Variants in WLS observed in about 807,000 individuals in gnomAD.
WLS encodes protein wntless homolog.
WLS carries 23 observed loss-of-function variants against 62.8 expected under a neutral mutation model. The ratio of observed to expected loss-of-function variants is 0.37; its 90% CI spans 0.26 to 0.52. The LOEUF (loss-of-function observed/expected upper bound fraction) is 0.52, where lower values mean the gene tolerates loss of function less well. WLS is among the 20% of genes least tolerant of loss of function. The pLI is 0.92. For missense variants in WLS, 615 were observed against 697.3 expected (o/e 0.88, Z 1.33); for synonymous variants, 246 against 244.1 (o/e 1.01, Z -0.07).
At chr1:68,205,881 C>T (rs917538777) in intron 1 of WLS, among the ~76,000 whole-genome samples, 2 of 152,082 alleles carry the variant, frequency 1.3e-5, no homozygotes, top group South Asian at 2.1e-4. Context: ...TTCTCTCTGC[C>T]CCAGTGAATC....
At chr1:68,203,172 T>G (rs1649118642) in intron 1 of WLS, among the ~76,000 whole-genome samples, 1 of 152,230 alleles carries the variant, frequency 6.6e-6, no homozygotes, top group Non-Finnish European at 1.5e-5. Flanking sequence ...ATACATAGAT[T>G]ATCGAATCCA....
At chr1:68,184,735 G>C (rs1647807858) in intron 2 of WLS, among the ~76,000 whole-genome samples, 1 of 152,148 alleles carries the variant, frequency 6.6e-6, no homozygotes, top group African/African-American at 2.4e-5. Flanking sequence ...CAAAAAGCCA[G>C]CACTGACTCA....
At chr1:68,162,543 C>T in intron 2 of WLS, 2 of 1,599,588 alleles carry the variant, frequency 1.3e-6, no homozygotes, top group South Asian at 2.2e-5. Flanking sequence ...CGATGAGGCC[C>T]AGCATTTCCC....
At chr1:68,231,773 G>T in intron 1 of WLS, 1 of 471,886 alleles carries the variant, frequency 2.1e-6, no homozygotes, top group Non-Finnish European at 4.2e-6. Context: ...CTCTTCTGTT[G>T]TTCCTAATAA....
intron 2 of WLS, among the ~76,000 whole-genome samples, chr1:68,165,296 G>C (rs1192398172): frequency 1.3e-5 from 2 of 151,936 alleles, no homozygotes; most frequent in Non-Finnish European, 2.9e-5. Context: ...ACTTTTAAAG[G>C]GTCCCACACT....
At chr1:68,137,264 A>T (rs1646623842) in intron 11 of WLS, among the ~76,000 whole-genome samples, 1 of 58,450 alleles carries the variant, frequency 1.7e-5, no homozygotes, top group African/African-American at 5.3e-5. Context: ...ACATACCAGC[A>T]CTAAAGGACA....
rs1006464584 is a variant in WLS, at chr1:68,145,923, A to G, written c.1224T>C (p.Ser408=). 9.3e-6 allele frequency: 15 copies of G among 1,614,014 alleles called. No homozygotes were observed. The highest frequency in any genetic ancestry group is 1.3e-5 in the African/African-American group (1 of 74,902). Residue 408 remains serine, a synonymous_variant, in exon 9 of 12, where the codon AGT becomes AGC. Coordinates refer to ENST00000262348, the MANE Select transcript of WLS (RefSeq NM_024911.7). ...TAGCTGGCAGGCTGGACTGCTTCCC[A>G]CTGATGTTCCGAAACACCTGAAATA... ...FMVFQVFRNI[S]GKQSSLPAMS...
chr1:68,159,365 A>G (rs779997528), intron 2 of WLS, 118 bp from the exon 3 acceptor site: 672 of 1,306,784 alleles, frequency 5.1e-4, no homozygotes, highest in Non-Finnish European at 6.3e-4. Flanking sequence ...GGAAATATTA[A>G]TTTCTATCAA....
chr1:68,145,595 A>G (rs1570885792), intron 9 of WLS, among the ~76,000 whole-genome samples: 1 of 151,992 alleles, frequency 6.6e-6, no homozygotes, highest in African/African-American at 2.4e-5. Context: ...TGTAACCTAC[A>G]TTCCATCACC....
chr1:68,141,949 G>T (rs1299141033), intron 10 of WLS, among the ~76,000 whole-genome samples: 1 of 152,156 alleles, frequency 6.6e-6, no homozygotes, highest in African/African-American at 2.4e-5. Context: ...TACCCCCTTA[G>T]AGTTGAAATC....
At chr1:68,197,390 A>G (rs1337758031) in intron 1 of WLS, among the ~76,000 whole-genome samples, 1 of 152,192 alleles carries the variant, frequency 6.6e-6, no homozygotes, top group Non-Finnish European at 1.5e-5. Flanking sequence ...CCTCAAGTGC[A>G]TCTCAAGCTA....
chr1:68,230,835 C>T (rs781019085), intron 1 of WLS, among the ~76,000 whole-genome samples: 1 of 152,166 alleles, frequency 6.6e-6, no homozygotes, highest in East Asian at 1.9e-4. Flanking sequence ...CAGTACCAAA[C>T]TCCCTTTAAT....
At chr1:68,209,124 C>A (rs951359992) in intron 1 of WLS, among the ~76,000 whole-genome samples, 1 of 151,280 alleles carries the variant, frequency 6.6e-6, no homozygotes, top group Non-Finnish European at 1.5e-5. Flanking sequence ...GCATCTTCAT[C>A]CCCACTGCTG....
At chr1:68,101,490 C>T (rs772333850) in intron 11 of WLS, among the ~76,000 whole-genome samples, 14 of 152,198 alleles carry the variant, frequency 9.2e-5, no homozygotes, top group East Asian at 1.9e-4. Flanking sequence ...AGCTCAGTCC[C>T]GATAGGATCA....
At chr1:68,215,743 T>C (rs1346677954) in intron 1 of WLS, among the ~76,000 whole-genome samples, 1 of 152,176 alleles carries the variant, frequency 6.6e-6, no homozygotes, top group Non-Finnish European at 1.5e-5. Flanking sequence ...ATACTGACAC[T>C]AAAAATAACC....
intron 1 of WLS, among the ~76,000 whole-genome samples, chr1:68,204,707 C>T (rs987109849): frequency 1.3e-5 from 2 of 152,066 alleles, no homozygotes; most frequent in African/African-American, 4.8e-5. Context: ...AGCTCAAGGG[C>T]CGTCTCTCCT....
At chr1:68,194,738 C>A (rs1180988630) in intron 1 of WLS, among the ~76,000 whole-genome samples, 4 of 152,184 alleles carry the variant, frequency 2.6e-5, no homozygotes, top group African/African-American at 9.7e-5. Context: ...CCTTTTGGCT[C>A]TAAAATTGTA....
At chr1:68,231,893 C>T in intron 1 of WLS, 1 of 487,420 alleles carries the variant, frequency 2.1e-6, no homozygotes, top group South Asian at 1.6e-5. Context: ...ACTTTGTAAC[C>T]CAGCGCTTCC....
chr1:68,126,364 A>G lies in WLS; in HGVS notation c.1517-29T>C, dbSNP rs1385191750. 14 of 1,613,294 alleles carry G rather than the reference A, an allele frequency of 8.7e-6. No homozygotes were observed. In the African/African-American group the frequency reaches 1.1e-4, roughly 12 times the overall value. On this transcript the variant is annotated intron_variant, in intron 11 of 11. Coordinates refer to ENST00000262348, the MANE Select transcript of WLS (RefSeq NM_024911.7). ...AAACAGGGTTTTCGGTGTTAGATGCATTCAAGGAGGAAGGAGAAGCAAGCT... is the reference window on the plus strand; with the variant it reads ...AAACAGGGTTTTCGGTGTTAGATGCGTTCAAGGAGGAAGGAGAAGCAAGCT...
Sources: gnomAD v4.1 joint callset for allele counts (sites outside exome capture counted in the v4.1 genomes callset) on GRCh38, gnomAD v4.1.1 for gene constraint, MANE v1.5 for transcripts, NCBI Gene and HGNC (gene_info 2026-07-23, HGNC 2026-07-21) for gene names.